IQCK: variants seen among roughly 807,000 people sequenced by gnomAD.
IQCK encodes IQ motif containing K, also known as IQ domain-containing protein K.
In IQCK, 29 loss-of-function variants were observed where a neutral mutation model predicts 28.1. That is an observed-to-expected ratio of 1.03 (90% CI 0.77 to 1.41). The LOEUF is 1.41. IQCK is among the 40% of genes most tolerant of loss of function. The pLI, the probability that IQCK is intolerant of heterozygous loss-of-function variation, is 0.00. For missense variants in IQCK, 359 were observed against 314.7 expected, an observed-to-expected ratio of 1.14 and a Z score of -1.07; for synonymous variants, 113 against 115.1, an observed-to-expected ratio of 0.98 and a Z score of 0.12.
At chr16:19,776,495 A>G (rs1362258249) in intron 6 of IQCK, among the ~76,000 whole-genome samples, 1 of 152,158 alleles carries the variant, frequency 6.6e-6, no homozygotes, top group African/African-American at 2.4e-5. Flanking sequence ...ACCTGAGATC[A>G]AGACTTTGAG....
At chr16:19,841,703 G>GT (rs1462336596) in intron 9 of IQCK, among the ~76,000 whole-genome samples, 1 of 152,106 alleles carries the variant, frequency 6.6e-6, no homozygotes, top group Non-Finnish European at 1.5e-5. Flanking sequence ...CTAGCTTTCG[G>GT]TTTTTTCACC....
At chr16:19,783,199 A>G (rs997423749) in intron 6 of IQCK, among the ~76,000 whole-genome samples, 2 of 152,034 alleles carry the variant, frequency 1.3e-5, no homozygotes, top group Admixed American at 6.6e-5. Flanking sequence ...AAGTTTCACC[A>G]TATTGGCCAG....
intron 4 of IQCK, among the ~76,000 whole-genome samples, chr16:19,759,552 A>G (rs2055107242): frequency 1.3e-5 from 2 of 152,146 alleles, no homozygotes; most frequent in Non-Finnish European, 1.5e-5. Flanking sequence ...GAAAAAAAAG[A>G]CATGTATATG....
chr16:19,759,542 G>GA (rs1369508072), intron 4 of IQCK, among the ~76,000 whole-genome samples: 1 of 151,536 alleles, frequency 6.6e-6, no homozygotes, highest in Non-Finnish European at 1.5e-5. Context: ...GGGATATAAA[G>GA]AAAAAAAAGA....
At chr16:19,837,817 T>C (rs1030478350) in intron 9 of IQCK, among the ~76,000 whole-genome samples, 1 of 152,234 alleles carries the variant, frequency 6.6e-6, no homozygotes, top group Non-Finnish European at 1.5e-5. Context: ...TGGTAGAGAA[T>C]GTGTTGTAAC....
At chr16:19,742,189 A>G (rs1474409553) in intron 4 of IQCK, among the ~76,000 whole-genome samples, 1 of 152,092 alleles carries the variant, frequency 6.6e-6, no homozygotes, top group Non-Finnish European at 1.5e-5. Flanking sequence ...GTAATGAATG[A>G]TACTTCCAGA....
chr16:19,818,929 G>A (rs2056026685), intron 7 of IQCK, among the ~76,000 whole-genome samples: 1 of 152,138 alleles, frequency 6.6e-6, no homozygotes, highest in African/African-American at 2.4e-5. Context: ...CTCTCGGCGA[G>A]TAAAGCTCTG....
chr16:19,726,342 T>C (rs1033664346), intron 1 of IQCK, among the ~76,000 whole-genome samples: 7 of 152,242 alleles, frequency 4.6e-5, no homozygotes, highest in Admixed American at 3.3e-4. Flanking sequence ...TTGATTATAC[T>C]CTAGAGAAAC....
intron 4 of IQCK, among the ~76,000 whole-genome samples, chr16:19,736,968 T>A (rs1448872361): frequency 3.0e-5 from 4 of 134,570 alleles, no homozygotes; most frequent in African/African-American, 1.2e-4. Context: ...GGCAACAAAG[T>A]GAGACCCGGT....
downstream of IQCK, among the ~76,000 whole-genome samples, chr16:19,828,460 A>T (rs868664410): frequency 4.8e-5 from 7 of 145,794 alleles, no homozygotes; most frequent in South Asian, 1.5e-3. Context: ...CTAGTCTCAA[A>T]CTCCTGACCT....
At chr16:19,854,315 C>T (rs1181429210) in intron 9 of IQCK, among the ~76,000 whole-genome samples, 2 of 152,196 alleles carry the variant, frequency 1.3e-5, no homozygotes, top group Non-Finnish European at 2.9e-5. Context: ...TGGGCTCCAC[C>T]CCCAGTGTCT....
At chr16:19,750,012 G>C (rs748180684) in intron 4 of IQCK, among the ~76,000 whole-genome samples, 1 of 152,118 alleles carries the variant, frequency 6.6e-6, no homozygotes, top group Non-Finnish European at 1.5e-5. Flanking sequence ...TTGTAGATGC[G>C]TGACCCCAGA....
In IQCK at chr16:19,785,619, A is replaced by G. The variant is rs1233721522; in HGVS notation, c.606-3219A>G. ...GATTGCGGGCCGAGTCTTTGTTTGC[A>G]TAGAAGTCTTTGTTTGCATAACTTT... On this transcript the variant is annotated intron_variant, in intron 6 of 7. Coordinates refer to ENST00000564186, the Ensembl canonical transcript of IQCK. Among the ~76,000 whole-genome samples, 4 of 152,268 alleles carry G rather than the reference A, an allele frequency of 2.6e-5. 1 individual carries two copies. Among genetic ancestry groups the G allele is most frequent in the Admixed American group, 2.6e-4 (4 of 15,284 alleles).
At chr16:19,730,739 G>A (rs1259541789) in intron 2 of IQCK, among the ~76,000 whole-genome samples, 1 of 136,010 alleles carries the variant, frequency 7.4e-6, no homozygotes, top group Non-Finnish European at 1.5e-5. Context: ...CTGTCTGTCT[G>A]TCTGTCTATC....
intron 4 of IQCK, among the ~76,000 whole-genome samples, chr16:19,755,689 T>C (rs932449787): frequency 1.3e-5 from 2 of 152,240 alleles, no homozygotes; most frequent in African/African-American, 2.4e-5. Context: ...TCCTGAGACC[T>C]GGCTCTGCCA....
At chr16:19,781,000 C>T (rs915251429) in intron 6 of IQCK, among the ~76,000 whole-genome samples, 3 of 151,996 alleles carry the variant, frequency 2.0e-5, no homozygotes, top group African/African-American at 4.8e-5. Flanking sequence ...GAAAGGGATC[C>T]GTGACACAAA....
chr16:19,780,170 T>C (rs2055459624), intron 6 of IQCK, among the ~76,000 whole-genome samples: 2 of 152,056 alleles, frequency 1.3e-5, no homozygotes, highest in Non-Finnish European at 2.9e-5. Context: ...GCGTCCCAAG[T>C]AGCTGGGACT....
At chr16:19,741,891 T>C (rs8053999) in intron 4 of IQCK, among the ~76,000 whole-genome samples, 2 of 151,802 alleles carry the variant, frequency 1.3e-5, no homozygotes, top group South Asian at 4.1e-4. Context: ...GGAGGCTGAG[T>C]CAGGAGACTT....
chr16:19,749,620 G>A (rs2054958366), intron 4 of IQCK, among the ~76,000 whole-genome samples: 1 of 152,072 alleles, frequency 6.6e-6, no homozygotes, highest in Admixed American at 6.6e-5. Flanking sequence ...TACACAATTT[G>A]CTGGGCACCA....
Sources: allele counts gnomAD v4.1 joint callset (sites outside exome capture counted in the v4.1 genomes callset), GRCh38; gene constraint gnomAD v4.1.1; transcripts MANE v1.5; gene names NCBI Gene and HGNC (gene_info 2026-07-23, HGNC 2026-07-21).